GLIS3: variants seen among roughly 807,000 people sequenced by gnomAD.
The protein encoded by GLIS3 is GLIS family zinc finger 3.
GLIS3 carries 53 observed loss-of-function variants against 78.6 expected under a neutral mutation model. That is an observed-to-expected ratio of 0.67 (90% CI 0.54 to 0.85). The LOEUF is 0.85. GLIS3 is among the 40% of genes least tolerant of loss of function. The pLI is 0.00. For synonymous variants in GLIS3, 684 were observed against 509.9 expected (o/e 1.34, Z -4.60); for missense variants, 1,703 against 1,231.1 (o/e 1.38, Z -5.74).
chr9:4,102,975 T>C (rs764574814), intron 4 of GLIS3, among the ~76,000 whole-genome samples: 2 of 151,208 alleles, frequency 1.3e-5, no homozygotes, highest in Non-Finnish European at 3.0e-5. Flanking sequence ...ACATGTAAAA[T>C]GAAAAAAAAA....
At chr9:4,419,510 C>T in the GLIS3 span, among the ~76,000 whole-genome samples, 1 of 152,140 alleles carries the variant, frequency 6.6e-6, no homozygotes, top group Non-Finnish European at 1.5e-5. Flanking sequence ...CCAGCTCTGG[C>T]CAGGTGCGGT....
intron 4 of GLIS3, among the ~76,000 whole-genome samples, chr9:4,094,679 G>T (rs537988116): frequency 1.3e-5 from 2 of 152,110 alleles, no homozygotes; most frequent in Non-Finnish European, 2.9e-5. Flanking sequence ...CAGTGTTAAA[G>T]GACCATGCCT....
intron 2 of GLIS3, among the ~76,000 whole-genome samples, chr9:4,280,170 C>G (rs1042151999): frequency 5.9e-5 from 9 of 152,170 alleles, no homozygotes; most frequent in African/African-American, 2.2e-4. Flanking sequence ...CAGGCACATG[C>G]CAACACACCC....
At chr9:3,927,616 G>C (rs1293713531) in intron 6 of GLIS3, among the ~76,000 whole-genome samples, 2 of 152,204 alleles carry the variant, frequency 1.3e-5, no homozygotes, top group African/African-American at 4.8e-5. Flanking sequence ...TGTATTTACG[G>C]AAAGGCCAAA....
chr9:4,123,637 C>A (rs1832351560), intron 3 of GLIS3: 3 of 383,076 alleles, frequency 7.8e-6, no homozygotes, highest in Non-Finnish European at 1.4e-5. Context: ...ATTATAAAAG[C>A]TTATAATATA....
chr9:4,380,230 C>A, the GLIS3 span, among the ~76,000 whole-genome samples: 1 of 152,174 alleles, frequency 6.6e-6, no homozygotes, highest in Non-Finnish European at 1.5e-5. Context: ...TTCTTGCCTG[C>A]TAATTAGACA....
chr9:4,315,818 G>C (rs377043181), intron 2 of GLIS3, among the ~76,000 whole-genome samples: 1 of 152,054 alleles, frequency 6.6e-6, no homozygotes, highest in South Asian at 2.1e-4. Flanking sequence ...CCCAGCATTA[G>C]CCCTGACCCT....
chr9:3,939,901 C>T (rs985119073), intron 4 of GLIS3, among the ~76,000 whole-genome samples: 2 of 152,170 alleles, frequency 1.3e-5, no homozygotes, highest in Admixed American at 6.5e-5. Flanking sequence ...TGATAAATGC[C>T]TTGGTGAGGT....
chr9:4,170,940 CA>C (rs1816322091), intron 2 of GLIS3, among the ~76,000 whole-genome samples: 1 of 152,062 alleles, frequency 6.6e-6, no homozygotes, highest in Non-Finnish European at 1.5e-5. Flanking sequence ...TTTCAATTAA[CA>C]ATTATTTAAT....
chr9:4,355,890 C>T, the GLIS3 span, among the ~76,000 whole-genome samples: 98 of 152,182 alleles, frequency 6.4e-4, no homozygotes, highest in African/African-American at 2.3e-3. Flanking sequence ...GTCCTGGGGG[C>T]AATGAAATGT....
At chr9:4,389,881 G>C in the GLIS3 span, among the ~76,000 whole-genome samples, 6 of 152,196 alleles carry the variant, frequency 3.9e-5, no homozygotes, top group Non-Finnish European at 7.3e-5. Context: ...AGCAGTGCTC[G>C]ACATCAAGAA....
chr9:4,181,995 T>A (rs1817367469), intron 2 of GLIS3, among the ~76,000 whole-genome samples: 3 of 152,254 alleles, frequency 2.0e-5, no homozygotes, highest in African/African-American at 7.2e-5. Flanking sequence ...TCAGGGTGGA[T>A]GTTAAGCAAC....
At chr9:4,374,015 G>A in the GLIS3 span, among the ~76,000 whole-genome samples, 1 of 152,098 alleles carries the variant, frequency 6.6e-6, no homozygotes, top group African/African-American at 2.4e-5. Flanking sequence ...CTTCATACAT[G>A]GGCACCTTTT....
intron 4 of GLIS3, among the ~76,000 whole-genome samples, chr9:4,029,598 G>A (rs970425894): frequency 6.8e-6 from 1 of 147,476 alleles, no homozygotes; most frequent in Non-Finnish European, 1.5e-5. Flanking sequence ...CCCCTCCCAA[G>A]CCCCCCACCA....
the GLIS3 span, among the ~76,000 whole-genome samples, chr9:4,399,408 C>T: frequency 1.3e-5 from 2 of 152,200 alleles, no homozygotes; most frequent in African/African-American, 4.8e-5. Context: ...CTTACAACAG[C>T]ACTGAAAGTA....
At chr9:4,221,718 G>A (rs1014662473) in intron 2 of GLIS3, among the ~76,000 whole-genome samples, 4 of 152,148 alleles carry the variant, frequency 2.6e-5, no homozygotes, top group African/African-American at 9.7e-5. Context: ...ATAACATATG[G>A]AAACACATTA....
intron 4 of GLIS3, among the ~76,000 whole-genome samples, chr9:4,019,651 G>T (rs1272409999): frequency 1.3e-5 from 2 of 152,132 alleles, no homozygotes; most frequent in African/African-American, 2.4e-5. Flanking sequence ...TGGAGGAAAA[G>T]AAAAGAAAAA....
upstream of GLIS3, among the ~76,000 whole-genome samples, chr9:4,303,287 A>ACG (rs1181138078): frequency 2.0e-5 from 3 of 147,540 alleles, no homozygotes; most frequent in African/African-American, 8.0e-5. Context: ...ACACACACAC[A>ACG]CACGAGCTGG....
At chr9:4,319,351 AG>A (rs1180656732) in intron 2 of GLIS3, among the ~76,000 whole-genome samples, 2 of 152,210 alleles carry the variant, frequency 1.3e-5, no homozygotes, top group African/African-American at 4.8e-5. Context: ...AGGAAGAAAC[AG>A]AACTCAAATG....
Sources: gnomAD v4.1 joint callset for allele counts (sites outside exome capture counted in the v4.1 genomes callset) on GRCh38, gnomAD v4.1.1 for gene constraint, MANE v1.5 for transcripts, NCBI Gene and HGNC (gene_info 2026-07-23, HGNC 2026-07-21) for gene names.